Variants in SEMA6D observed in about 807,000 individuals in gnomAD.
SEMA6D encodes semaphorin 6D, also known as semaphorin-6D.
In SEMA6D, 35 loss-of-function variants were observed where a neutral mutation model predicts 106.6. That is an observed-to-expected ratio of 0.33 (90% CI 0.25 to 0.44). The LOEUF is 0.44. Ranked by LOEUF, SEMA6D falls within the 20% of genes least tolerant of loss-of-function variation. The pLI is 1.00. For missense variants in SEMA6D, 1,185 were observed against 1,345.9 expected (o/e 0.88, Z 1.87); for synonymous variants, 499 against 487.7 (o/e 1.02, Z -0.31).
rs546794494 is a variant in SEMA6D, at chr15:47,677,313, T to C, written c.-55+76417T>C. Among the ~76,000 whole-genome samples, 3 of 152,300 alleles carry C rather than the reference T, an allele frequency of 2.0e-5. No homozygotes were observed. In the South Asian group the frequency reaches 6.2e-4, roughly 32 times the overall value. The stretch of plus-strand genomic sequence containing the variant: ...GGGGCTGTTGATTGTATTGCCTGTA[T>C]ATGGCCTCTCCATGTGGCTAGAGTT... On this transcript the variant is annotated intron_variant, in intron 4 of 19. Coordinates refer to the SEMA6D transcript ENST00000558014.
At chr15:47,601,116 G>A (rs1470149568) in intron 4 of SEMA6D, among the ~76,000 whole-genome samples, 11 of 151,444 alleles carry the variant, frequency 7.3e-5, no homozygotes, top group East Asian at 5.8e-4. Context: ...GAGAGAGAGA[G>A]AAAGAGAGAG....
intron 2 of SEMA6D, among the ~76,000 whole-genome samples, chr15:47,433,474 C>G (rs542039573): frequency 3.5e-4 from 53 of 152,138 alleles, no homozygotes; most frequent in African/African-American, 1.2e-3. Flanking sequence ...ACCTCTCCAG[C>G]TAAACTATGA....
In SEMA6D at chr15:47,770,499, G is replaced by A. The variant is rs1039944452; in HGVS notation, c.1936G>A (p.Val646Ile). 1 of 1,583,492 alleles carries A rather than the reference G, an allele frequency of 6.3e-7. No homozygotes were observed. ...TDPLSGIPKG[V>I]RWEVQSGESN... Reference sequence around the variant, plus strand: ...ATTGTCCCATGTGTCTATTTCAGGTGTACGATGGGAAGTCCAGTCTGGAGA... The same window carrying A: ...ATTGTCCCATGTGTCTATTTCAGGTATACGATGGGAAGTCCAGTCTGGAGA... Residue 646 changes from valine to isoleucine, a missense_variant and splice_region_variant, in exon 19 of 19, where the codon GTA (valine) becomes ATA (isoleucine). Physicochemically the swap from Val to Ile is conservative, Grantham distance 29. Transcript: ENST00000536845.
chr15:47,738,634 C>G (rs572089793), intron 1 of SEMA6D, among the ~76,000 whole-genome samples: 8 of 152,280 alleles, frequency 5.3e-5, no homozygotes, highest in Middle Eastern at 3.4e-3. Flanking sequence ...CAATCTTCAG[C>G]TGGACTGACA....
intron 4 of SEMA6D, among the ~76,000 whole-genome samples, chr15:47,614,105 A>G (rs965738241): frequency 2.0e-5 from 3 of 152,212 alleles, no homozygotes; most frequent in African/African-American, 7.2e-5. Context: ...GAGAGGCCCC[A>G]AAGATCCCAT....
chr15:47,207,021 G>C (rs1895118084), intron 1 of SEMA6D, among the ~76,000 whole-genome samples: 1 of 152,134 alleles, frequency 6.6e-6, no homozygotes, highest in Non-Finnish European at 1.5e-5. Flanking sequence ...GAGGCTCCAG[G>C]AGAAAACTTC....
At chr15:47,512,283 G>A (rs990962974) in intron 3 of SEMA6D, among the ~76,000 whole-genome samples, 1 of 152,214 alleles carries the variant, frequency 6.6e-6, no homozygotes, top group Non-Finnish European at 1.5e-5. Context: ...CAATTGAGCA[G>A]TTGTGATCTG....
At chr15:47,398,201 C>G (rs1340054859) in intron 1 of SEMA6D, among the ~76,000 whole-genome samples, 1 of 152,172 alleles carries the variant, frequency 6.6e-6, no homozygotes, top group African/African-American at 2.4e-5. Context: ...TCTCTTTGTT[C>G]TCACCTATTT....
intron 1 of SEMA6D, among the ~76,000 whole-genome samples, chr15:47,203,634 A>G (rs1421021129): frequency 6.6e-6 from 1 of 152,170 alleles, no homozygotes; most frequent in Non-Finnish European, 1.5e-5. Flanking sequence ...TAGGACTCCC[A>G]TGCTCATGTG....
At chr15:47,263,133 A>G (rs555860311) in intron 1 of SEMA6D, among the ~76,000 whole-genome samples, 4 of 152,292 alleles carry the variant, frequency 2.6e-5, no homozygotes, top group Non-Finnish European at 5.9e-5. Context: ...GGACATAGGG[A>G]TTGGCAAAGA....
At chr15:47,497,635 C>T (rs1470107793) in intron 3 of SEMA6D, among the ~76,000 whole-genome samples, 1 of 152,092 alleles carries the variant, frequency 6.6e-6, no homozygotes, top group East Asian at 1.9e-4. Context: ...GCCTCAGTCT[C>T]CTTACACAGC....
In SEMA6D at chr15:47,284,144, A is replaced by T. The variant is rs555036884; in HGVS notation, c.-239+99726A>T. Reference sequence around the variant, plus strand: ...AAGGTTCAGACAGGAATCCTTTTTTAAAAAAGCTCTGTAAGCAAGAGGCAT... The same window carrying T: ...AAGGTTCAGACAGGAATCCTTTTTTTAAAAAGCTCTGTAAGCAAGAGGCAT... On this transcript the variant is annotated intron_variant, in intron 1 of 19. Transcript: ENST00000558014. Among the ~76,000 whole-genome samples the T allele has an allele frequency of 1.8e-4, 28 of 152,286 alleles. No individual in the cohort carries two copies. In the South Asian group the frequency reaches 5.2e-3, roughly 28 times the overall value.
intron 3 of SEMA6D, among the ~76,000 whole-genome samples, chr15:47,582,311 T>A (rs2076268467): frequency 1.3e-5 from 2 of 152,212 alleles, no homozygotes; most frequent in African/African-American, 4.8e-5. Flanking sequence ...GACAGTGGAT[T>A]ACGAGGCCAC....
chr15:47,367,714 AC>A (rs530553052), intron 1 of SEMA6D, among the ~76,000 whole-genome samples: 14,455 of 147,798 alleles, frequency 0.098, 1,967 homozygotes, highest in African/African-American at 0.32. Context: ...ACACACACAC[AC>A]ACACACACAC....
intron 1 of SEMA6D, among the ~76,000 whole-genome samples, chr15:47,320,081 C>G (rs1327733245): frequency 1.3e-5 from 2 of 152,130 alleles, no homozygotes; most frequent in African/African-American, 4.8e-5. Context: ...ATGTTCACCT[C>G]TTTCTTTGTT....
intron 4 of SEMA6D, among the ~76,000 whole-genome samples, chr15:47,661,190 CTG>C (rs1214418239): frequency 6.6e-6 from 1 of 152,184 alleles, no homozygotes; most frequent in East Asian, 1.9e-4. Context: ...CCTGGGGAAA[CTG>C]TTTCCTAAGA....
chr15:47,530,746 G>A (rs544120868), intron 3 of SEMA6D, among the ~76,000 whole-genome samples: 3 of 151,560 alleles, frequency 2.0e-5, no homozygotes, highest in Non-Finnish European at 4.4e-5. Context: ...GTGTGGGTCC[G>A]AAGCCATGAT....
chr15:47,208,009 A>G (rs893637622), intron 1 of SEMA6D, among the ~76,000 whole-genome samples: 250 of 132,050 alleles, frequency 1.9e-3, no homozygotes, highest in Non-Finnish European at 1.9e-3. Context: ...ACACACACAC[A>G]CACACACACA....
chr15:47,439,513 CAG>C (rs2041821575), intron 2 of SEMA6D, among the ~76,000 whole-genome samples: 1 of 152,098 alleles, frequency 6.6e-6, no homozygotes, highest in Non-Finnish European at 1.5e-5. Context: ...CTCTCCTTTA[CAG>C]AGAGAATTTA....
Sources: allele counts gnomAD v4.1 joint callset (sites outside exome capture counted in the v4.1 genomes callset), GRCh38; gene constraint gnomAD v4.1.1; transcripts MANE v1.5; gene names NCBI Gene and HGNC (gene_info 2026-07-23, HGNC 2026-07-21).